Variants in GNAQ observed in about 807,000 individuals in gnomAD.
GNAQ encodes the protein G protein subunit alpha q.
In GNAQ, 8 loss-of-function variants were observed where a neutral mutation model predicts 43.9. The observed-to-expected ratio is 0.18, with a 90% CI of 0.11 to 0.33. The LOEUF (loss-of-function observed/expected upper bound fraction) is 0.33. GNAQ is among the 10% of genes least tolerant of loss of function. The pLI is 1.00. For missense variants in GNAQ, 158 were observed against 450.8 expected, an observed-to-expected ratio of 0.35 and a Z score of 5.88; for synonymous variants, 155 against 170.7, an observed-to-expected ratio of 0.91 and a Z score of 0.71.
In GNAQ at chr9:77,858,902, C is replaced by T. The variant is rs555326389; in HGVS notation, c.322-43132G>A. Among the ~76,000 whole-genome samples the T allele has an allele frequency of 3.3e-5, 5 of 152,178 alleles. No individual in the cohort carries two copies. In the South Asian group the frequency reaches 6.2e-4, roughly 19 times the overall value. ...TTTGTAATGGCCTGAAGGCACCTCA[C>T]CTCAACTCACTCCTTCCGTTGGTGC... On this transcript the variant is annotated intron_variant, in intron 2 of 6. Coordinates refer to ENST00000286548, the MANE Select transcript of GNAQ (RefSeq NM_002072.5).
At chr9:77,967,836 G>A (rs909937116) in intron 1 of GNAQ, among the ~76,000 whole-genome samples, 30 of 152,018 alleles carry the variant, frequency 2.0e-4, no homozygotes, top group African/African-American at 6.8e-4. Context: ...AAAATGAGCC[G>A]GGCATGGTGG....
chr9:77,772,198 CA>C (rs1439715394), intron 5 of GNAQ, among the ~76,000 whole-genome samples: 3 of 152,196 alleles, frequency 2.0e-5, no homozygotes, highest in Non-Finnish European at 2.9e-5. Context: ...ACGAAAGTTT[CA>C]TGAAACAATA....
At chr9:77,765,263 T>C (rs958643122) in intron 5 of GNAQ, among the ~76,000 whole-genome samples, 3 of 152,212 alleles carry the variant, frequency 2.0e-5, no homozygotes, top group African/African-American at 7.2e-5. Context: ...TCTATCTTCT[T>C]ATTAAGACTG....
chr9:77,874,133 C>G (rs1052765668), intron 2 of GNAQ, among the ~76,000 whole-genome samples: 5 of 150,868 alleles, frequency 3.3e-5, no homozygotes, highest in Admixed American at 2.0e-4. Flanking sequence ...AACAAAAAAA[C>G]AAAAAAACAA....
intron 1 of GNAQ, among the ~76,000 whole-genome samples, chr9:78,009,634 T>C (rs968113415): frequency 2.0e-5 from 3 of 152,142 alleles, no homozygotes; most frequent in Admixed American, 2.0e-4. Context: ...TTAACAAAAA[T>C]AGTTGTTTTT....
rs75637872 is a variant in GNAQ, at chr9:77,923,029, T to A, written c.137-684A>T. Among the ~76,000 whole-genome samples, 17 of 146,518 alleles carry A rather than the reference T, an allele frequency of 1.2e-4. 1 individual carries two copies. Among genetic ancestry groups the A allele is most frequent in the Admixed American group, 8.2e-4 (12 of 14,638 alleles). On this transcript the variant is annotated intron_variant, in intron 1 of 6. Transcript: ENST00000286548. ...TGCCCAGCTAATTTTTTTTTTTTTT[T>A]AAATTTCTGTAGAGACAGGTTCTCA...
chr9:77,927,818 T>C (rs1178279656), intron 1 of GNAQ, among the ~76,000 whole-genome samples: 1 of 152,134 alleles, frequency 6.6e-6, no homozygotes, highest in Non-Finnish European at 1.5e-5. Flanking sequence ...TCTTAATGAA[T>C]GGGAAGGCTC....
Position 78,004,522 on chromosome 9 carries a change from G to T in GNAQ, c.136+26578C>A, listed in dbSNP as rs529722056. 2.0e-5 allele frequency among the ~76,000 whole-genome samples: 3 copies of T among 152,188 alleles called. No homozygotes were observed. The Middle Eastern group carries it at 0.01, about 518-fold the overall frequency. ...AACATGAAAGTTTGAGAAGTCCTGC[G>T]TGACATCATCTCCCAGAGCTTCTCC... On this transcript the variant is annotated intron_variant, in intron 1 of 6. Transcript: ENST00000286548.
intron 1 of GNAQ, among the ~76,000 whole-genome samples, chr9:77,943,822 A>G (rs1829349126): frequency 6.6e-6 from 1 of 151,754 alleles, no homozygotes; most frequent in African/African-American, 2.4e-5. Context: ...ACACAACACC[A>G]CGCCTGGCTA....
At chr9:77,898,776 A>G (rs1040401523) in intron 2 of GNAQ, among the ~76,000 whole-genome samples, 1 of 152,236 alleles carries the variant, frequency 6.6e-6, no homozygotes, top group Admixed American at 6.5e-5. Context: ...ATAAACTGCT[A>G]TTAAGAATTT....
At chr9:77,939,494 T>A (rs1829283811) in intron 1 of GNAQ, among the ~76,000 whole-genome samples, 1 of 152,194 alleles carries the variant, frequency 6.6e-6, no homozygotes, top group Non-Finnish European at 1.5e-5. Context: ...TATAAACTCA[T>A]AAATTTCACC....
At chr9:77,785,427 C>A (rs889186305) in intron 5 of GNAQ, among the ~76,000 whole-genome samples, 5 of 152,144 alleles carry the variant, frequency 3.3e-5, no homozygotes, top group Non-Finnish European at 5.9e-5. Context: ...TGTTGTAACC[C>A]ACAGTGTTTC....
At chr9:77,995,718 C>T (rs1007552182) in intron 1 of GNAQ, among the ~76,000 whole-genome samples, 2 of 152,036 alleles carry the variant, frequency 1.3e-5, no homozygotes, top group Non-Finnish European at 2.9e-5. Context: ...CTGGCTCAAG[C>T]AATCTTCCCA....
chr9:77,914,605 T>C (rs1338110450), intron 2 of GNAQ, among the ~76,000 whole-genome samples: 1 of 151,934 alleles, frequency 6.6e-6, no homozygotes, highest in Non-Finnish European at 1.5e-5. Flanking sequence ...GAGGTTGCGG[T>C]GAGCCGAGAT....
chr9:78,023,074 C>A (rs768172749), intron 1 of GNAQ, among the ~76,000 whole-genome samples: 8 of 152,212 alleles, frequency 5.3e-5, no homozygotes, highest in Non-Finnish European at 1.2e-4. Context: ...ATTCTGAAAC[C>A]CACTGGTCCG....
rs185126824 is a variant in GNAQ, at chr9:77,880,017, G to A, written c.321+42144C>T. Reference sequence around the variant, plus strand: ...TCCAAGCATGCCACACAGCACGTTAGTGAGTAGAAAATCAATCATCACATC... The same window carrying A: ...TCCAAGCATGCCACACAGCACGTTAATGAGTAGAAAATCAATCATCACATC... On this transcript the variant is annotated intron_variant, in intron 2 of 6. Coordinates refer to ENST00000286548, the MANE Select transcript of GNAQ (RefSeq NM_002072.5). 1.2e-4 allele frequency among the ~76,000 whole-genome samples: 19 copies of A among 152,288 alleles called. No individual in the cohort carries two copies. In the East Asian group the frequency reaches 3.1e-3, roughly 25 times the overall value.
chr9:78,030,816 G>A lies in GNAQ; in HGVS notation c.136+284C>T, dbSNP rs1030467242. On this transcript the variant is annotated intron_variant, in intron 1 of 6. Coordinates refer to ENST00000286548, the MANE Select transcript of GNAQ (RefSeq NM_002072.5). Reference sequence around the variant, plus strand: ...CACAGCAGATAAGGTACAGCCCTCAGGGACACGAAAAGGAACAAGCCAAGG... The same window carrying A: ...CACAGCAGATAAGGTACAGCCCTCAAGGACACGAAAAGGAACAAGCCAAGG... Among the ~76,000 whole-genome samples, 4 of 152,134 alleles carry A rather than the reference G, an allele frequency of 2.6e-5. No homozygotes were observed. The East Asian group carries it at 7.7e-4, about 29-fold the overall frequency.
chr9:77,808,421 G>T (rs905840219), intron 3 of GNAQ, among the ~76,000 whole-genome samples: 1 of 150,254 alleles, frequency 6.7e-6, no homozygotes, highest in African/African-American at 2.5e-5. Context: ...AACAGGAAGA[G>T]AATTAAATAT....
At position 77,802,360 on chromosome 9, in the gene GNAQ, T is replaced by C. The variant is rs965879257; in HGVS notation, c.477-4712A>G. Among the ~76,000 whole-genome samples the C allele has an allele frequency of 3.3e-5, 5 of 152,126 alleles. 1 individual carries two copies. The highest frequency in any genetic ancestry group is 1.3e-4 in the Admixed American group (2 of 15,282). On this transcript the variant is annotated intron_variant, in intron 3 of 6. Transcript: ENST00000286548. ...AGGGAAAAAGGGAACTTTGTTCCCC[T>C]AGAAATGGAGTTCTAGCATGGTAAG...
Sources: gnomAD v4.1 joint callset for allele counts (sites outside exome capture counted in the v4.1 genomes callset) on GRCh38, gnomAD v4.1.1 for gene constraint, MANE v1.5 for transcripts, NCBI Gene and HGNC (gene_info 2026-07-23, HGNC 2026-07-21) for gene names.